The following ANO6 variants were observed in gnomAD, a reference collection of about 807,000 sequenced individuals.
ANO6 encodes the protein anoctamin 6, also known as anoctamin-6.
Under a neutral mutation model 117.5 loss-of-function variants are expected in ANO6, and 106 were observed. That is an observed-to-expected ratio of 0.90 (90% CI 0.77 to 1.06). The LOEUF (loss-of-function observed/expected upper bound fraction) is 1.06, where lower values mean the gene tolerates loss of function less well. Ranked by LOEUF, ANO6 falls within the 50% of genes least tolerant of loss-of-function variation. The pLI is 0.00. For missense variants in ANO6, 955 were observed against 1,121.1 expected, an observed-to-expected ratio of 0.85 and a Z score of 2.12; for synonymous variants, 367 against 385.1, an observed-to-expected ratio of 0.95 and a Z score of 0.55.
intron 3 of ANO6, chr12:45,335,638 A>T (rs1322081231): frequency 1.3e-5 from 2 of 152,072 alleles, no homozygotes; most frequent in South Asian, 2.1e-4. Flanking sequence ...GGTAAGTATA[A>T]TGTAAATATT....
chr12:45,221,155 C>T lies in ANO6; in HGVS notation c.70+4764C>T, dbSNP rs2137119052. ...CGAATTGAGTTGATTTAGAGGACGC[C>T]CAGCTGGCGTTCATTGCTGAACAAC... On this transcript the variant is annotated intron_variant, in intron 1 of 19. Transcript: ENST00000320560. Among the ~76,000 whole-genome samples the T allele has an allele frequency of 1.3e-5, 2 of 152,250 alleles. 1 individual carries two copies. Among genetic ancestry groups the T allele is most frequent in the East Asian group, 3.9e-4 (2 of 5,188 alleles).
chr12:45,372,043 C>A (rs1941855545), intron 9 of ANO6, among the ~76,000 whole-genome samples: 1 of 152,048 alleles, frequency 6.6e-6, no homozygotes, highest in Non-Finnish European at 1.5e-5. Flanking sequence ...AAAGCCAAGG[C>A]TCGAGAACTA....
At position 45,421,191 on chromosome 12, in the gene ANO6, C is replaced by A. The variant is rs137945983; in HGVS notation, c.2338C>A (p.Leu780Ile). The change falls in exon 18 of 20, where the codon CTC becomes ATC. Residue 780 changes from leucine to isoleucine, a missense_variant. Leu to Ile is a conservative substitution (Grantham distance 5). Coordinates refer to ENST00000320560, the MANE Select transcript of ANO6 (RefSeq NM_001025356.3). ...CATGGAAGGGTACATCAACAACACT[C>A]TCTCCATCTTCAAAGTCGCAGACTT... The part of the protein sequence containing the change: ...YTMEGYINNT[L>I]SIFKVADFKN... 694 of 1,614,194 alleles carry A rather than the reference C, an allele frequency of 4.3e-4. 1 individual carries two copies. Among genetic ancestry groups the A allele is most frequent in the South Asian group, 3.0e-3 (269 of 91,086 alleles).
intron 19 of ANO6, among the ~76,000 whole-genome samples, chr12:45,438,313 T>C (rs1056006372): frequency 1.3e-5 from 2 of 152,088 alleles, no homozygotes; most frequent in African/African-American, 4.8e-5. Context: ...CACACATATA[T>C]ATTTCATTCC....
chr12:45,247,051 G>C (rs987215955), intron 1 of ANO6, among the ~76,000 whole-genome samples: 1 of 151,870 alleles, frequency 6.6e-6, no homozygotes, highest in Admixed American at 6.6e-5. Flanking sequence ...TCACCCTCCC[G>C]AGTAGCTGGG....
chr12:45,350,692 T>A lies in ANO6; in HGVS notation c.781T>A (p.Cys261Ser). Residue 261 changes from cysteine (C) to serine (S), a missense_variant, in exon 7 of 20, where the codon TGC becomes AGC. Physicochemically the swap from Cys to Ser is moderately radical, Grantham distance 112 (BLOSUM62 -1). Transcript: ENST00000320560. ...CCGCCGTCAGTCAGAGGATCCCAGCTGCCCTAATGAACGGTACCTTCTGTA... is the reference window on the plus strand; with the variant it reads ...CCGCCGTCAGTCAGAGGATCCCAGCAGCCCTAATGAACGGTACCTTCTGTA... ...KFRRQSEDPS[C>S]PNERYLLYRE... The A allele has an allele frequency of 6.2e-7, 1 of 1,613,862 alleles. No homozygotes were observed. The highest frequency in any genetic ancestry group is 8.5e-7 in the Non-Finnish European group (1 of 1,179,800).
At chr12:45,234,069 G>A (rs1046496903) in intron 1 of ANO6, among the ~76,000 whole-genome samples, 27 of 152,184 alleles carry the variant, frequency 1.8e-4, no homozygotes, top group African/African-American at 5.8e-4. Context: ...TTACTTTAAA[G>A]TCAGGTAGCT....
At chr12:45,366,159 AT>A (rs969933509) in intron 8 of ANO6, among the ~76,000 whole-genome samples, 3 of 150,346 alleles carry the variant, frequency 2.0e-5, no homozygotes, top group Non-Finnish European at 4.4e-5. Context: ...AGTCCTTTAA[AT>A]ACTCTGACAA....
chr12:45,367,953 T>G (rs1941728695), intron 9 of ANO6, among the ~76,000 whole-genome samples, 160 bp downstream of exon 9: 1 of 152,244 alleles, frequency 6.6e-6, no homozygotes, highest in African/African-American at 2.4e-5. Context: ...AATGCTTTAT[T>G]CCTCTTTTAC....
At chr12:45,351,311 CTCTTT>C (rs1343572205) in intron 7 of ANO6, among the ~76,000 whole-genome samples, 3 of 152,164 alleles carry the variant, frequency 2.0e-5, no homozygotes, top group African/African-American at 7.2e-5. Context: ...TACATTTTCA[CTCTTT>C]TCTTATGTCT....
At chr12:45,379,454 A>G (rs1305332017) in intron 10 of ANO6, among the ~76,000 whole-genome samples, 1 of 152,256 alleles carries the variant, frequency 6.6e-6, no homozygotes, top group Non-Finnish European at 1.5e-5. Flanking sequence ...TATTTGACCC[A>G]TAGAAGAATA....
intron 16 of ANO6, among the ~76,000 whole-genome samples, chr12:45,414,711 CA>C (rs1436887814): frequency 6.6e-6 from 1 of 152,160 alleles, no homozygotes; most frequent in Non-Finnish European, 1.5e-5. Context: ...CATCCCTGTT[CA>C]TTATTTTACC....
At chr12:45,305,504 G>A (rs12369853) in intron 2 of ANO6, among the ~76,000 whole-genome samples, 3,767 of 152,286 alleles carry the variant, frequency 0.025, 67 homozygotes, top group Non-Finnish European at 0.038. Context: ...CAAGGAGGAT[G>A]TAGTCAGGAA....
chr12:45,247,798 C>T (rs1947847840), intron 1 of ANO6, among the ~76,000 whole-genome samples: 1 of 152,182 alleles, frequency 6.6e-6, no homozygotes, highest in Non-Finnish European at 1.5e-5. Flanking sequence ...GGGCCCCACC[C>T]TCTTGACCTC....
chr12:45,326,609 C>T (rs974984329), intron 2 of ANO6, among the ~76,000 whole-genome samples: 7 of 152,162 alleles, frequency 4.6e-5, no homozygotes, highest in African/African-American at 1.2e-4. Flanking sequence ...GGCTGCTTGA[C>T]GGTGCCCTGA....
chr12:45,299,782 G>T (rs1363835645), intron 1 of ANO6, among the ~76,000 whole-genome samples: 1 of 152,028 alleles, frequency 6.6e-6, no homozygotes, highest in Non-Finnish European at 1.5e-5. Context: ...AACCCAGGAG[G>T]CAGAGGTTGC....
chr12:45,436,471 G>A (rs778477743), downstream of ANO6, among the ~76,000 whole-genome samples: 6 of 152,096 alleles, frequency 3.9e-5, no homozygotes, highest in Non-Finnish European at 5.9e-5. Flanking sequence ...CCACTACTTG[G>A]CGTCATTATG....
chr12:45,427,611 C>A (rs1470190877), intron 19 of ANO6, among the ~76,000 whole-genome samples: 1 of 151,964 alleles, frequency 6.6e-6, no homozygotes, highest in African/African-American at 2.4e-5. Flanking sequence ...ATCTCTCTCC[C>A]CTTGCTAGGT....
intron 17 of ANO6, among the ~76,000 whole-genome samples, chr12:45,418,445 C>A (rs1943269617): frequency 6.6e-6 from 1 of 152,158 alleles, no homozygotes; most frequent in South Asian, 2.1e-4. Flanking sequence ...CTTTCAAGTT[C>A]CTCAGTCATA....
Sources: allele counts gnomAD v4.1 joint callset (sites outside exome capture counted in the v4.1 genomes callset), GRCh38; gene constraint gnomAD v4.1.1; transcripts MANE v1.5; gene names NCBI Gene and HGNC (gene_info 2026-07-23, HGNC 2026-07-21).